Variants in CNTNAP2 observed in about 807,000 individuals in gnomAD.
CNTNAP2 encodes the protein contactin associated protein 2.
Under a neutral mutation model 155.2 loss-of-function variants are expected in CNTNAP2, and 98 were observed. That is an observed-to-expected ratio of 0.63 (90% CI 0.54 to 0.75). CNTNAP2 has a LOEUF of 0.75. Ranked by LOEUF, CNTNAP2 falls within the 30% of genes least tolerant of loss-of-function variation. The pLI is 0.00. For missense variants in CNTNAP2, 1,727 were observed against 1,688.1 expected (o/e 1.02, Z -0.40); for synonymous variants, 651 against 631.2 (o/e 1.03, Z -0.47).
intron 1 of CNTNAP2, among the ~76,000 whole-genome samples, chr7:146,476,732 A>T (rs765033028): frequency 6.6e-6 from 1 of 152,176 alleles, no homozygotes; most frequent in Non-Finnish European, 1.5e-5. Context: ...ATAAACATTG[A>T]GACAAGTAGA....
intron 1 of CNTNAP2, among the ~76,000 whole-genome samples, chr7:146,762,325 G>A (rs1180230780): frequency 2.0e-5 from 3 of 152,116 alleles, no homozygotes; most frequent in African/African-American, 7.2e-5. Context: ...CCCTGGCCAG[G>A]TGTGGTGGCT....
chr7:146,351,713 T>TA (rs998333443), intron 1 of CNTNAP2, among the ~76,000 whole-genome samples: 31 of 152,328 alleles, frequency 2.0e-4, no homozygotes, highest in African/African-American at 7.2e-4. Context: ...TTTTCTAAGT[T>TA]AAATGGCTCT....
intron 1 of CNTNAP2, among the ~76,000 whole-genome samples, chr7:146,706,226 G>C (rs1800962689): frequency 1.3e-5 from 2 of 152,134 alleles, no homozygotes; most frequent in Non-Finnish European, 2.9e-5. Context: ...CTCTACCATT[G>C]TGTTTCGTGT....
chr7:146,952,198 T>C (rs1797329462), intron 3 of CNTNAP2, among the ~76,000 whole-genome samples: 1 of 152,178 alleles, frequency 6.6e-6, no homozygotes, highest in Non-Finnish European at 1.5e-5. Context: ...TCTCAATAGA[T>C]GCTGAAAAGG....
chr7:148,134,989 G>T (rs1804906705), intron 16 of CNTNAP2, among the ~76,000 whole-genome samples: 1 of 151,398 alleles, frequency 6.6e-6, no homozygotes, highest in Admixed American at 6.6e-5. Flanking sequence ...ACTTTTTTAT[G>T]TAATAATATT....
intron 1 of CNTNAP2, among the ~76,000 whole-genome samples, chr7:146,398,386 G>GGGA (rs1301444009): frequency 2.0e-5 from 3 of 151,792 alleles, no homozygotes; most frequent in African/African-American, 7.3e-5. Context: ...AGAGCGAAGG[G>GGGA]GGAAGCCCCT....
intron 13 of CNTNAP2, among the ~76,000 whole-genome samples, chr7:147,792,854 G>A (rs999948351): frequency 2.0e-5 from 3 of 151,912 alleles, no homozygotes; most frequent in African/African-American, 4.8e-5. Context: ...CATATTCTTG[G>A]CAACATATGT....
At chr7:148,266,987 G>A (rs1214862956) in intron 20 of CNTNAP2, 46 bp from the exon 21 acceptor site, 2 of 1,562,938 alleles carry the variant, frequency 1.3e-6, no homozygotes, top group Non-Finnish European at 1.8e-6. Context: ...GTTCCACACA[G>A]GGTAGAGACG....
chr7:147,549,175 T>C (rs1450212239), intron 11 of CNTNAP2, among the ~76,000 whole-genome samples: 1 of 152,204 alleles, frequency 6.6e-6, no homozygotes, highest in African/African-American at 2.4e-5. Context: ...GTATTGAATC[T>C]ATAAATTACT....
At chr7:146,581,412 A>G (rs2129147841) in intron 1 of CNTNAP2, among the ~76,000 whole-genome samples, 1 of 152,294 alleles carries the variant, frequency 6.6e-6, no homozygotes, top group East Asian at 1.9e-4. Flanking sequence ...ATGATAAATT[A>G]TAATAGCAGT....
At chr7:148,330,195 GTGGATGGAGTGGA>G (rs1797962627) in intron 21 of CNTNAP2, among the ~76,000 whole-genome samples, 2 of 132,494 alleles carry the variant, frequency 1.5e-5, no homozygotes, top group Non-Finnish European at 3.2e-5. Context: ...GATGGAATGG[GTGGATGGAGTGGA>G]TGGATGGAAT....
At chr7:147,804,404 T>C (rs1255420558) in intron 13 of CNTNAP2, among the ~76,000 whole-genome samples, 2 of 151,878 alleles carry the variant, frequency 1.3e-5, no homozygotes, top group Non-Finnish European at 2.9e-5. Flanking sequence ...GCAGGGAGAG[T>C]TTACTCCACA....
chr7:147,274,168 A>AGAT (rs1804838328), intron 8 of CNTNAP2, among the ~76,000 whole-genome samples: 1 of 152,050 alleles, frequency 6.6e-6, no homozygotes, highest in South Asian at 2.1e-4. Flanking sequence ...AGTGTTGGGT[A>AGAT]GATACACAGT....
chr7:148,132,869 A>G (rs184621580), intron 16 of CNTNAP2, among the ~76,000 whole-genome samples: 1 of 152,192 alleles, frequency 6.6e-6, no homozygotes, highest in Non-Finnish European at 1.5e-5. Flanking sequence ...TCCACTCTGA[A>G]ACTTCTATGA....
At chr7:146,630,749 A>G (rs1445317629) in intron 1 of CNTNAP2, among the ~76,000 whole-genome samples, 1 of 152,000 alleles carries the variant, frequency 6.6e-6, no homozygotes, top group African/African-American at 2.4e-5. Context: ...AGCAAAAATC[A>G]CAAGCATTCC....
chr7:147,923,098 A>G (rs924549948), intron 14 of CNTNAP2, among the ~76,000 whole-genome samples: 1 of 151,056 alleles, frequency 6.6e-6, no homozygotes, highest in Admixed American at 6.6e-5. Flanking sequence ...GGAAGGAAGG[A>G]AGGGAGGGGA....
intron 1 of CNTNAP2, among the ~76,000 whole-genome samples, chr7:146,224,013 T>C (rs1264442702): frequency 6.6e-6 from 1 of 152,228 alleles, no homozygotes; most frequent in Non-Finnish European, 1.5e-5. Context: ...TAACATACTT[T>C]GGCTCAAATT....
chr7:146,449,942 G>T (rs1384173232), intron 1 of CNTNAP2, among the ~76,000 whole-genome samples: 1 of 152,080 alleles, frequency 6.6e-6, no homozygotes, highest in African/African-American at 2.4e-5. Context: ...TTTCTGTGGA[G>T]CACTGACATC....
intron 18 of CNTNAP2, among the ~76,000 whole-genome samples, chr7:148,183,988 A>G (rs1316726714): frequency 6.6e-6 from 1 of 152,188 alleles, no homozygotes; most frequent in Non-Finnish European, 1.5e-5. Context: ...CTAATAATTA[A>G]TATGATTTTC....
Sources: gnomAD v4.1 joint callset for allele counts (sites outside exome capture counted in the v4.1 genomes callset) on GRCh38, gnomAD v4.1.1 for gene constraint, MANE v1.5 for transcripts, NCBI Gene and HGNC (gene_info 2026-07-23, HGNC 2026-07-21) for gene names.